Variants in CCDC91 observed in about 807,000 individuals in gnomAD.
CCDC91 encodes coiled-coil domain-containing protein 91.
A neutral mutation model predicts 63.2 loss-of-function variants in CCDC91; 48 were observed. The ratio of observed to expected loss-of-function variants is 0.76; its 90% CI spans 0.60 to 0.97. The LOEUF (loss-of-function observed/expected upper bound fraction) is 0.97. Among genes scored for constraint, CCDC91 ranks in the 50% least tolerant of loss-of-function variants. The probability of loss-of-function intolerance (pLI) is 0.00; values close to 1 mark genes in which losing one functional copy is unlikely to be tolerated. For missense variants in CCDC91, 500 were observed against 494.6 expected, an observed-to-expected ratio of 1.01 and a Z score of -0.10; for synonymous variants, 167 against 165.8, an observed-to-expected ratio of 1.01 and a Z score of -0.06.
intron 12 of CCDC91, among the ~76,000 whole-genome samples, chr12:28,513,713 A>G (rs1223388349): frequency 6.6e-6 from 1 of 151,750 alleles, no homozygotes; most frequent in Non-Finnish European, 1.5e-5. Context: ...AAACATTTGT[A>G]TTTGATTTTC....
intron 6 of CCDC91, chr12:28,319,329 A>C (rs907422443): frequency 5.3e-5 from 8 of 152,002 alleles, no homozygotes; most frequent in African/African-American, 1.9e-4. Context: ...AAATGGATTA[A>C]AAGTCCACCT....
chr12:28,230,678 G>T (rs1944533321), intron 1 of CCDC91, among the ~76,000 whole-genome samples: 1 of 152,108 alleles, frequency 6.6e-6, no homozygotes, highest in Admixed American at 6.5e-5. Context: ...AGGCTGGAGT[G>T]CAGTGGTGTG....
chr12:28,198,231 A>G (rs1941933451), intron 1 of CCDC91, among the ~76,000 whole-genome samples: 1 of 152,166 alleles, frequency 6.6e-6, no homozygotes, highest in African/African-American at 2.4e-5. Context: ...TAGTCATTTT[A>G]AAAAGCTGCT....
intron 1 of CCDC91, among the ~76,000 whole-genome samples, chr12:28,218,505 T>C (rs532649623): frequency 1.5e-4 from 23 of 152,132 alleles, no homozygotes; most frequent in South Asian, 4.2e-4. Context: ...ATTTGATGAC[T>C]TTGACAAATA....
chr12:28,237,672 G>A (rs1382818486), intron 1 of CCDC91, among the ~76,000 whole-genome samples: 1 of 152,174 alleles, frequency 6.6e-6, no homozygotes, highest in Non-Finnish European at 1.5e-5. Context: ...TTTCAGCCCA[G>A]TTTGAACTTC....
At position 28,549,394 on chromosome 12, in the gene CCDC91, G is replaced by A. The variant is rs370560241; in HGVS notation, c.*221G>A. ...TACTGTTATTTTATTATTATTAGTA[G>A]TAGCAGCAACAGAGTATGATATGAC... On this transcript the variant is annotated 3_prime_UTR_variant, in exon 13 of 13. Coordinates refer to ENST00000536442, the MANE Select transcript of CCDC91 (RefSeq NM_018318.5). 8.5e-6 allele frequency: 3 copies of A among 353,230 alleles called. No individual in the cohort carries two copies. Among genetic ancestry groups the A allele is most frequent in the East Asian group, 5.1e-5 (1 of 19,456 alleles). The allele number at this position is 353,230 out of a possible 1,614,324, so 21.9% of individuals were successfully genotyped here. A position where few individuals can be genotyped will look rare whatever the true frequency, so the allele number is the denominator to read the frequency against.
At chr12:28,291,050 C>T (rs1380866490) in intron 3 of CCDC91, among the ~76,000 whole-genome samples, 3 of 152,040 alleles carry the variant, frequency 2.0e-5, no homozygotes, top group Non-Finnish European at 4.4e-5. Context: ...CTGTTTTGGA[C>T]CATGAATTTT....
chr12:28,358,675 A>G (rs1943674292), intron 6 of CCDC91, among the ~76,000 whole-genome samples: 1 of 152,206 alleles, frequency 6.6e-6, no homozygotes, highest in African/African-American at 2.4e-5. Context: ...AATGTAATAC[A>G]TAGTGATAGG....
chr12:28,419,119 G>A (rs545528543), intron 8 of CCDC91, among the ~76,000 whole-genome samples: 123 of 152,140 alleles, frequency 8.1e-4, no homozygotes, highest in African/African-American at 2.8e-3. Context: ...GGGGTCCTAG[G>A]GATATAACAG....
At chr12:28,448,861 C>A (rs1225156719) in intron 8 of CCDC91, among the ~76,000 whole-genome samples, 3 of 151,886 alleles carry the variant, frequency 2.0e-5, no homozygotes, top group Non-Finnish European at 2.9e-5. Flanking sequence ...ATGTATATTT[C>A]AAATAGGGTT....
intron 1 of CCDC91, among the ~76,000 whole-genome samples, chr12:28,221,614 T>G (rs1943957266): frequency 6.6e-6 from 1 of 152,202 alleles, no homozygotes; most frequent in African/African-American, 2.4e-5. Context: ...GCCTTTTGTT[T>G]AGGTCTAATA....
Position 28,458,455 on chromosome 12 carries a change from C to CTTTTTTTTTTTTTTTTTTTTTTT in CCDC91, c.1101+5811_1101+5833dup, listed in dbSNP as rs60083355. On this transcript the variant is annotated intron_variant, in intron 11 of 12. Coordinates refer to ENST00000536442, the MANE Select transcript of CCDC91 (RefSeq NM_018318.5). ...TTCCCTTTTGTCCTCATTTGCACAC[C>CTTTTTTTTTTTTTTTTTTTTTTT]TTTTTTTTTTTTTTTTTTTTTTTTT... Among the ~76,000 whole-genome samples, 4 of 45,804 alleles carry CTTTTTTTTTTTTTTTTTTTTTTT rather than the reference C, an allele frequency of 8.7e-5. 1 individual carries two copies. The highest frequency in any genetic ancestry group is 2.2e-4 in the African/African-American group (2 of 9,072). 30.0% of individuals were successfully genotyped at this position (45,804 alleles called of 152,430 possible). A position where few individuals can be genotyped will look rare whatever the true frequency, so the allele number is the denominator to read the frequency against.
intron 7 of CCDC91, among the ~76,000 whole-genome samples, chr12:28,371,072 AT>A (rs147637598): frequency 0.017 from 2,559 of 149,602 alleles, 77 homozygotes; most frequent in African/African-American, 0.059. Context: ...CTCTAGTAAG[AT>A]TTTTTTTTTG....
At chr12:28,268,690 G>A (rs745510852) in intron 3 of CCDC91, 12 of 984,046 alleles carry the variant, frequency 1.2e-5, no homozygotes, top group Non-Finnish European at 1.4e-5. Flanking sequence ...AATCTTCAGA[G>A]GGTAGAAGTC....
intron 1 of CCDC91, 181 bp from the exon 2 acceptor site, chr12:28,257,021 C>A: frequency 2.1e-6 from 1 of 467,482 alleles, no homozygotes. Context: ...GAAAAAGTTA[C>A]AGAAATTGCT....
chr12:28,539,608 G>A (rs1243821423), intron 12 of CCDC91, among the ~76,000 whole-genome samples: 3 of 152,086 alleles, frequency 2.0e-5, no homozygotes, highest in Non-Finnish European at 2.9e-5. Context: ...ATCTGTTTGA[G>A]AAGGTGCTAT....
At chr12:28,245,604 CAAG>C (rs1481412689) in intron 1 of CCDC91, among the ~76,000 whole-genome samples, 3 of 151,940 alleles carry the variant, frequency 2.0e-5, no homozygotes, top group African/African-American at 7.2e-5. Flanking sequence ...TGATTAATAT[CAAG>C]AATTATTTTA....
intron 8 of CCDC91, among the ~76,000 whole-genome samples, chr12:28,398,341 AT>A (rs1390089323): frequency 6.6e-6 from 1 of 152,138 alleles, no homozygotes; most frequent in East Asian, 1.9e-4. Context: ...AGATTCATCC[AT>A]ATAGTCACAT....
intron 7 of CCDC91, among the ~76,000 whole-genome samples, chr12:28,367,523 G>C (rs937911865): frequency 9.2e-5 from 14 of 152,210 alleles, no homozygotes; most frequent in African/African-American, 3.1e-4. Context: ...TAAAATTTAT[G>C]TTATCCAATC....
Sources: allele counts gnomAD v4.1 joint callset (sites outside exome capture counted in the v4.1 genomes callset), GRCh38; gene constraint gnomAD v4.1.1; transcripts MANE v1.5; gene names NCBI Gene and HGNC (gene_info 2026-07-23, HGNC 2026-07-21).